Variants in DST observed in about 807,000 individuals in gnomAD.
The protein encoded by DST is bullous pemphigoid antigen.
Under a neutral mutation model 875.2 loss-of-function variants are expected in DST, and 253 were observed. That is an observed-to-expected ratio of 0.29 (90% CI 0.26 to 0.32). The LOEUF is 0.32. Among genes scored for constraint, DST ranks in the 10% least tolerant of loss-of-function variants. DST has a pLI of 1.00. For synonymous variants in DST, 3,124 were observed against 3,197.1 expected (o/e 0.98, Z 0.77); for missense variants, 8,287 against 9,111.6 (o/e 0.91, Z 3.68).
At position 56,938,082 on chromosome 6, in the gene DST, T is replaced by C. The variant is rs983366495; in HGVS notation, c.216+15703A>G. Among the ~76,000 whole-genome samples, 65 of 131,678 alleles carry C rather than the reference T, an allele frequency of 4.9e-4. No homozygotes were observed. The South Asian group carries it at 5.7e-3, about 12-fold the overall frequency. 86.4% of individuals were successfully genotyped at this position (131,678 alleles called of 152,430 possible). A position where few individuals can be genotyped will look rare whatever the true frequency, so the allele number is the denominator to read the frequency against. On this transcript the variant is annotated intron_variant, in intron 2 of 103. Coordinates refer to ENST00000680361, the MANE Select transcript of DST (RefSeq NM_001374736.1). ...CTAGAAATTACACCTCTCTCTCTCT[T>C]TCTCTCTCTCTCTCTCTCTCTCTCT...
chr6:56,849,357 G>C lies in DST; in HGVS notation c.625+2040C>G, dbSNP rs1275926710. On this transcript the variant is annotated intron_variant, in intron 4 of 103. Coordinates refer to ENST00000680361, the MANE Select transcript of DST (RefSeq NM_001374736.1). ...TCACCACATTGACCAGGATGGTCTC[G>C]ATCTCTTGACCTCATGATCCGCCCA... Among the ~76,000 whole-genome samples, 5 of 152,072 alleles carry C rather than the reference G, an allele frequency of 3.3e-5. No homozygotes were observed. The South Asian group carries it at 6.2e-4, about 19-fold the overall frequency.
At chr6:56,478,550 A>C (rs2095291042) in intron 90 of DST, among the ~76,000 whole-genome samples, 1 of 152,248 alleles carries the variant, frequency 6.6e-6, no homozygotes. Flanking sequence ...TTCTACCATC[A>C]GAACTATATC....
chr6:56,879,384 T>C (rs1763168195), intron 3 of DST, among the ~76,000 whole-genome samples: 1 of 151,314 alleles, frequency 6.6e-6, no homozygotes. Context: ...GGCAGGAGAA[T>C]GGCAGGAACC....
chr6:56,532,207 ATC>A, intron 64 of DST, 135 bp downstream of exon 64: 1 of 788,226 alleles, frequency 1.3e-6, no homozygotes, highest in Admixed American at 2.7e-5. Flanking sequence ...AGGCACTACA[ATC>A]TTTGCTATCT....
intron 26 of DST, 54 bp from the exon 27 acceptor site, chr6:56,634,312 C>A (rs764566329): frequency 6.2e-7 from 1 of 1,612,100 alleles, no homozygotes; most frequent in African/African-American, 1.3e-5. Flanking sequence ...TCTGAAAACA[C>A]ACTGCAATTT....
chr6:56,837,057 G>C (rs1409982936), intron 4 of DST, among the ~76,000 whole-genome samples: 1 of 151,966 alleles, frequency 6.6e-6, no homozygotes, highest in African/African-American at 2.4e-5. Context: ...CATGCTCAGA[G>C]GATTCACAAC....
intron 4 of DST, among the ~76,000 whole-genome samples, chr6:56,816,476 G>A (rs1239387159): frequency 1.3e-5 from 2 of 152,178 alleles, no homozygotes; most frequent in African/African-American, 4.8e-5. Flanking sequence ...ATTTAGAAGA[G>A]CACCCAAAAG....
intron 5 of DST, among the ~76,000 whole-genome samples, chr6:56,707,065 G>A (rs896146430): frequency 6.6e-6 from 1 of 152,028 alleles, no homozygotes; most frequent in Non-Finnish European, 1.5e-5. Context: ...CGCCATCACT[G>A]ATCTGACAGG....
chr6:56,643,722 G>C (rs1191779258), intron 15 of DST, among the ~76,000 whole-genome samples: 1 of 152,154 alleles, frequency 6.6e-6, no homozygotes. Flanking sequence ...TCTAAGAATA[G>C]ATATTTTTCT....
At chr6:56,934,560 T>TTATATATATATATATA (rs60018139) in intron 2 of DST, among the ~76,000 whole-genome samples, 57 of 106,468 alleles carry the variant, frequency 5.4e-4, no homozygotes, top group African/African-American at 1.7e-3. Context: ...ATATATTATA[T>TTATATATATATATATA]TATATATATA....
intron 12 of DST, among the ~76,000 whole-genome samples, chr6:56,648,980 G>A (rs991645021): frequency 1.3e-5 from 2 of 152,124 alleles, no homozygotes; most frequent in Admixed American, 1.3e-4. Context: ...CTCAATCTAA[G>A]CACAGCAGAA....
At chr6:56,694,033 G>T (rs1286592970) in intron 9 of DST, among the ~76,000 whole-genome samples, 1 of 148,838 alleles carries the variant, frequency 6.7e-6, no homozygotes, top group African/African-American at 2.5e-5. Context: ...AAATATATGT[G>T]CATTCATATA....
At chr6:56,663,891 T>C (rs1588082703) in intron 10 of DST, among the ~76,000 whole-genome samples, 1 of 152,150 alleles carries the variant, frequency 6.6e-6, no homozygotes, top group Non-Finnish European at 1.5e-5. Context: ...TGAGTCTTAA[T>C]TGGCTAACAT....
At chr6:56,633,099 C>G in intron 27 of DST, 62 bp from the exon 28 acceptor site, 3 of 1,369,002 alleles carry the variant, frequency 2.2e-6, no homozygotes, top group Non-Finnish European at 3.1e-6. Flanking sequence ...ATGGGAGACA[C>G]TTCAAACTGG....
At chr6:56,819,019 GA>G (rs527406427) in intron 4 of DST, among the ~76,000 whole-genome samples, 2 of 151,580 alleles carry the variant, frequency 1.3e-5, no homozygotes, top group Non-Finnish European at 2.9e-5. Flanking sequence ...TCCATCTTCA[GA>G]AAAAAAATAC....
At chr6:56,525,796 C>T (rs1217344306) in intron 69 of DST, among the ~76,000 whole-genome samples, 1 of 152,158 alleles carries the variant, frequency 6.6e-6, no homozygotes, top group Non-Finnish European at 1.5e-5. Context: ...TGGCTAAGGG[C>T]TGAATGCCTA....
At chr6:56,510,495 T>A (rs1253895336) in intron 73 of DST, among the ~76,000 whole-genome samples, 2 of 152,172 alleles carry the variant, frequency 1.3e-5, no homozygotes. Context: ...ATTTACTTCA[T>A]GGTTAAACAC....
At chr6:56,664,184 C>T (rs1293578406) in intron 10 of DST, among the ~76,000 whole-genome samples, 1 of 152,176 alleles carries the variant, frequency 6.6e-6, no homozygotes, top group Non-Finnish European at 1.5e-5. Flanking sequence ...CTCTGGCCTT[C>T]AGGTACATAT....
chr6:56,585,741 A>C lies in DST; in HGVS notation c.12903+6441T>G, dbSNP rs554891424. 2.7e-5 allele frequency among the ~76,000 whole-genome samples: 4 copies of C among 150,550 alleles called. No homozygotes were observed. In the South Asian group the frequency reaches 8.5e-4, roughly 32 times the overall value. ...TCTCTTGTGGGCATTTAGTGCTATA[A>C]ATTTCCCTCTACACACTGCTTTGAA... On this transcript the variant is annotated intron_variant, in intron 49 of 103. Coordinates refer to ENST00000680361, the MANE Select transcript of DST (RefSeq NM_001374736.1).
Sources: gnomAD v4.1 joint callset for allele counts (sites outside exome capture counted in the v4.1 genomes callset) on GRCh38, gnomAD v4.1.1 for gene constraint, MANE v1.5 for transcripts, NCBI Gene and HGNC (gene_info 2026-07-23, HGNC 2026-07-21) for gene names.